PRR16: variants seen among roughly 807,000 people sequenced by gnomAD.
PRR16 encodes protein Largen.
PRR16 carries 6 observed loss-of-function variants against 18.2 expected under a neutral mutation model. The observed-to-expected ratio is 0.33, with a 90% confidence interval of 0.18 to 0.65. The LOEUF (loss-of-function observed/expected upper bound fraction) is 0.65, where lower values mean the gene tolerates loss of function less well. Among genes scored for constraint, PRR16 ranks in the 30% least tolerant of loss-of-function variants. The probability of loss-of-function intolerance (pLI) is 0.74; values close to 1 mark genes in which losing one functional copy is unlikely to be tolerated. For synonymous variants in PRR16, 151 were observed against 147.8 expected (o/e 1.02, Z -0.16); for missense variants, 412 against 376.6 (o/e 1.09, Z -0.78).
intron 1 of PRR16, among the ~76,000 whole-genome samples, chr5:120,672,187 G>A (rs1756629410): frequency 6.6e-6 from 1 of 151,956 alleles, no homozygotes; most frequent in Non-Finnish European, 1.5e-5. Flanking sequence ...CAATCGGGAA[G>A]AGTGCCTTGA....
At chr5:120,725,717 C>A in the PRR16 span, among the ~76,000 whole-genome samples, 12 of 151,924 alleles carry the variant, frequency 7.9e-5, no homozygotes, top group Admixed American at 6.6e-4. Flanking sequence ...TGTTTATACA[C>A]CTTTCCCTAC....
intron 1 of PRR16, among the ~76,000 whole-genome samples, chr5:120,628,666 C>CCTGT (rs1217483963): frequency 7.3e-6 from 1 of 136,438 alleles, no homozygotes; most frequent in Non-Finnish European, 1.7e-5. Flanking sequence ...TATCTACCTA[C>CCTGT]CTATCTATCT....
At chr5:120,501,660 G>A (rs1028155585) in intron 1 of PRR16, among the ~76,000 whole-genome samples, 1 of 151,950 alleles carries the variant, frequency 6.6e-6, no homozygotes, top group African/African-American at 2.4e-5. Context: ...AACACATAAT[G>A]TAGTCCAGTT....
the PRR16 span, among the ~76,000 whole-genome samples, chr5:120,707,180 G>C: frequency 2.6e-5 from 4 of 152,266 alleles, no homozygotes; most frequent in South Asian, 8.3e-4. Flanking sequence ...AGGGCTTAGG[G>C]GGCTATGAAG....
intron 1 of PRR16, among the ~76,000 whole-genome samples, chr5:120,642,846 C>A (rs1203163618): frequency 6.6e-6 from 1 of 152,074 alleles, no homozygotes; most frequent in East Asian, 1.9e-4. Flanking sequence ...CTACCTTCAC[C>A]TGTATAACAT....
At chr5:120,599,648 A>G (rs944810374) in intron 1 of PRR16, among the ~76,000 whole-genome samples, 2 of 151,776 alleles carry the variant, frequency 1.3e-5, no homozygotes, top group Non-Finnish European at 2.9e-5. Flanking sequence ...TTAGCATTCA[A>G]TTTCTTAACA....
the PRR16 span, among the ~76,000 whole-genome samples, chr5:120,718,448 GC>G: frequency 6.6e-6 from 1 of 151,980 alleles, no homozygotes; most frequent in Non-Finnish European, 1.5e-5. Flanking sequence ...CTAAGTCATT[GC>G]CCCTGTTATA....
chr5:120,779,579 A>G, the PRR16 span, among the ~76,000 whole-genome samples: 24 of 152,018 alleles, frequency 1.6e-4, no homozygotes, highest in African/African-American at 5.3e-4. Flanking sequence ...TGTTCGTGCA[A>G]AATGACACAG....
At chr5:120,664,705 G>T (rs1336366822) in intron 1 of PRR16, among the ~76,000 whole-genome samples, 1 of 151,742 alleles carries the variant, frequency 6.6e-6, no homozygotes, top group East Asian at 1.9e-4. Flanking sequence ...AGAACATGCA[G>T]TGTTTGGTTT....
chr5:120,495,263 A>T (rs1750205451), intron 1 of PRR16, among the ~76,000 whole-genome samples: 1 of 152,072 alleles, frequency 6.6e-6, no homozygotes, highest in African/African-American at 2.4e-5. Context: ...GTAGTTTTAA[A>T]TGTACAAGTC....
chr5:120,618,603 G>T, intron 1 of PRR16: 1 of 881,016 alleles, frequency 1.1e-6, no homozygotes, highest in South Asian at 5.2e-5. Context: ...CACATAAAAT[G>T]GACAAAAAAG....
At chr5:120,750,067 G>A in the PRR16 span, among the ~76,000 whole-genome samples, 1 of 152,024 alleles carries the variant, frequency 6.6e-6, no homozygotes, top group Non-Finnish European at 1.5e-5. Flanking sequence ...CATTTATTTT[G>A]TTGTGAAAAA....
the PRR16 span, among the ~76,000 whole-genome samples, chr5:120,694,169 C>T: frequency 2.6e-5 from 4 of 152,106 alleles, no homozygotes; most frequent in African/African-American, 9.7e-5. Flanking sequence ...CCAAATTACT[C>T]GTGTTCTTTG....
rs778905803 is a variant in PRR16 at position 120,686,321 on chromosome 5, A to G, written c.527A>G (p.Asn176Ser). The G allele has an allele frequency of 5.6e-6, 9 of 1,614,142 alleles. No homozygotes were observed. The highest frequency in any genetic ancestry group is 1.1e-5 in the South Asian group (1 of 91,078). Residue 176 changes from asparagine (N) to serine (S), a missense_variant, in exon 2 of 2, where the codon AAC becomes AGC. Asn to Ser is a conservative substitution (Grantham distance 46, BLOSUM62 1). Coordinates refer to ENST00000407149, the MANE Select transcript of PRR16 (RefSeq NM_001300783.2). ...AATGGAGATATCTGCTGCATACCCAACAGTAACTTGGACAAGGCTCCAGTC... is the reference window on the plus strand; with the variant it reads ...AATGGAGATATCTGCTGCATACCCAGCAGTAACTTGGACAAGGCTCCAGTC... ...IPNGDICCIP[N>S]SNLDKAPVQL...
chr5:120,771,889 ATTT>A, the PRR16 span, among the ~76,000 whole-genome samples: 1 of 151,858 alleles, frequency 6.6e-6, no homozygotes, highest in Non-Finnish European at 1.5e-5. Flanking sequence ...TATTCCAGTG[ATTT>A]TTATGTTATA....
intron 1 of PRR16, among the ~76,000 whole-genome samples, chr5:120,507,435 C>T (rs1750682372): frequency 6.6e-6 from 1 of 152,050 alleles, no homozygotes; most frequent in African/African-American, 2.4e-5. Flanking sequence ...AAAAACCTTA[C>T]AGTTAGCAAA....
intron 1 of PRR16, among the ~76,000 whole-genome samples, chr5:120,495,132 G>C (rs959614077): frequency 2.6e-5 from 4 of 151,712 alleles, no homozygotes; most frequent in Non-Finnish European, 4.4e-5. Flanking sequence ...CTATACTGCT[G>C]GAGTTAGAGA....
At chr5:120,485,998 C>T (rs1328145345) in intron 1 of PRR16, among the ~76,000 whole-genome samples, 1 of 152,132 alleles carries the variant, frequency 6.6e-6, no homozygotes, top group African/African-American at 2.4e-5. Context: ...CTTATGGCTG[C>T]ATAGTATTCC....
chr5:120,609,971 A>C (rs988668591), intron 1 of PRR16, among the ~76,000 whole-genome samples: 1 of 152,158 alleles, frequency 6.6e-6, no homozygotes, highest in Non-Finnish European at 1.5e-5. Context: ...CTCTGCCTAC[A>C]TTTCATAAAT....
Sources: gnomAD v4.1 joint callset for allele counts (sites outside exome capture counted in the v4.1 genomes callset) on GRCh38, gnomAD v4.1.1 for gene constraint, MANE v1.5 for transcripts, NCBI Gene and HGNC (gene_info 2026-07-23, HGNC 2026-07-21) for gene names.